Variants in CNTN1 observed in about 807,000 individuals in gnomAD.
The protein encoded by CNTN1 is contactin 1, also known as contactin-1.
CNTN1 carries 38 observed loss-of-function variants against 126.4 expected under a neutral mutation model. The ratio of observed to expected loss-of-function variants is 0.30; its 90% CI spans 0.23 to 0.39. The LOEUF is 0.39. Among genes scored for constraint, CNTN1 ranks in the 10% least tolerant of loss-of-function variants. The pLI, the probability that CNTN1 is intolerant of heterozygous loss-of-function variation, is 1.00. For synonymous variants in CNTN1, 413 were observed against 422.6 expected, an observed-to-expected ratio of 0.98 and a Z score of 0.28; for missense variants, 1,009 against 1,248.4, an observed-to-expected ratio of 0.81 and a Z score of 2.89.
intron 1 of CNTN1, among the ~76,000 whole-genome samples, chr12:40,877,589 A>G (rs1384273342): frequency 6.6e-6 from 1 of 152,190 alleles, no homozygotes. Flanking sequence ...ATTGTTGTTA[A>G]TGACACAAGT....
chr12:40,953,655 A>G (rs891298117), intron 14 of CNTN1, among the ~76,000 whole-genome samples: 8 of 152,190 alleles, frequency 5.3e-5, no homozygotes, highest in African/African-American at 1.9e-4. Context: ...AACTAGTTTA[A>G]CATTAAACTT....
chr12:40,713,005 T>C (rs1312271575), intron 1 of CNTN1, among the ~76,000 whole-genome samples: 1 of 152,084 alleles, frequency 6.6e-6, no homozygotes, highest in Non-Finnish European at 1.5e-5. Flanking sequence ...CTTAGCACTC[T>C]TGCTTGTATT....
rs1944072459 is a variant in CNTN1, at chr12:40,887,291, G to A, written c.-76-21066G>A. On this transcript the variant is annotated intron_variant, in intron 1 of 23. Transcript: ENST00000551295. ...CTTGAAGAGGTCCTTCATGTCCCTTGTAAGTTGGATTCCTAGAATTTACAA... is the reference window on the plus strand; with the variant it reads ...CTTGAAGAGGTCCTTCATGTCCCTTATAAGTTGGATTCCTAGAATTTACAA... 2.0e-5 allele frequency among the ~76,000 whole-genome samples: 3 copies of A among 151,924 alleles called. No individual in the cohort carries two copies. In the South Asian group the frequency reaches 6.2e-4, roughly 31 times the overall value.
At chr12:40,927,817 T>G (rs1175328709) in intron 6 of CNTN1, among the ~76,000 whole-genome samples, 1 of 152,122 alleles carries the variant, frequency 6.6e-6, no homozygotes, top group Non-Finnish European at 1.5e-5. Context: ...AGTCCAAGAC[T>G]TATGTTCATA....
chr12:41,015,909 A>C (rs1283842226), intron 18 of CNTN1, among the ~76,000 whole-genome samples: 2 of 152,110 alleles, frequency 1.3e-5, no homozygotes, highest in East Asian at 3.9e-4. Flanking sequence ...ATGATGAAAA[A>C]CCAAGCACTT....
intron 23 of CNTN1, among the ~76,000 whole-genome samples, chr12:41,038,081 C>T (rs142922131): frequency 2.2e-4 from 34 of 152,200 alleles, no homozygotes; most frequent in African/African-American, 7.9e-4. Context: ...TTGCTTGAAC[C>T]CAGGAGACTG....
At chr12:40,814,658 A>G (rs922365782) in intron 1 of CNTN1, among the ~76,000 whole-genome samples, 5 of 152,174 alleles carry the variant, frequency 3.3e-5, no homozygotes, top group Admixed American at 6.6e-5. Context: ...CTTTTGGCTT[A>G]GGAATGTCTT....
chr12:41,034,451 T>G (rs150862553), intron 23 of CNTN1, among the ~76,000 whole-genome samples: 1 of 152,318 alleles, frequency 6.6e-6, no homozygotes, highest in African/African-American at 2.4e-5. Context: ...CTGTCCTCCC[T>G]TCTCCATTTC....
intron 23 of CNTN1, among the ~76,000 whole-genome samples, chr12:41,056,581 G>A (rs1390289756): frequency 6.6e-6 from 1 of 152,042 alleles, no homozygotes; most frequent in Non-Finnish European, 1.5e-5. Context: ...GATAGGCACA[G>A]CTAAAATTTC....
At chr12:40,771,486 T>G (rs1279634515) in intron 1 of CNTN1, among the ~76,000 whole-genome samples, 1 of 151,994 alleles carries the variant, frequency 6.6e-6, no homozygotes, top group Non-Finnish European at 1.5e-5. Flanking sequence ...CTCTATATAT[T>G]TAAGAGGGAT....
intron 1 of CNTN1, among the ~76,000 whole-genome samples, chr12:40,732,097 A>G (rs1014950667): frequency 2.0e-5 from 3 of 152,050 alleles, no homozygotes; most frequent in African/African-American, 7.2e-5. Flanking sequence ...ATTGCAAATG[A>G]GAAAAGCTAG....
chr12:40,769,085 T>A (rs1206383795), intron 1 of CNTN1, among the ~76,000 whole-genome samples: 5 of 152,156 alleles, frequency 3.3e-5, no homozygotes, highest in Non-Finnish European at 7.4e-5. Flanking sequence ...TGCTTTCTAG[T>A]GGCAATTCAT....
At chr12:40,989,994 G>C (rs1948060854) in intron 16 of CNTN1, among the ~76,000 whole-genome samples, 1 of 152,060 alleles carries the variant, frequency 6.6e-6, no homozygotes, top group African/African-American at 2.4e-5. Flanking sequence ...GTGCCACCGA[G>C]ATTTGCAGAA....
rs71078294 is a variant in CNTN1 at position 41,007,045 on chromosome 12, G to GTTTTTTT, written c.2114-7157_2114-7151dup. On this transcript the variant is annotated intron_variant, in intron 17 of 23. Transcript: ENST00000551295. ...TGGCAGTTAAAAGCAGTTTTGTGTG[G>GTTTTTTT]TTTTTTTTTTTTTTTTTTTTTTTTT... Among the ~76,000 whole-genome samples the GTTTTTTT allele has an allele frequency of 1.4e-4, 10 of 69,246 alleles. 1 individual carries two copies. Among genetic ancestry groups the GTTTTTTT allele is most frequent in the East Asian group, 5.2e-4 (1 of 1,928 alleles). 45.4% of individuals were successfully genotyped at this position (69,246 alleles called of 152,430 possible).
intron 16 of CNTN1, among the ~76,000 whole-genome samples, chr12:40,986,524 A>G (rs1202503973): frequency 6.6e-6 from 1 of 151,882 alleles, no homozygotes; most frequent in Non-Finnish European, 1.5e-5. Flanking sequence ...ATTTCGGCAG[A>G]CTCTTCTACG....
At chr12:40,806,335 T>A (rs924111886) in intron 1 of CNTN1, among the ~76,000 whole-genome samples, 1 of 152,188 alleles carries the variant, frequency 6.6e-6, no homozygotes, top group African/African-American at 2.4e-5. Flanking sequence ...GAAGCCTAGA[T>A]CCAGTCCTCC....
chr12:40,814,222 T>C (rs1941183743), intron 1 of CNTN1, among the ~76,000 whole-genome samples: 1 of 152,256 alleles, frequency 6.6e-6, no homozygotes, highest in African/African-American at 2.4e-5. Context: ...TTGTCAATTT[T>C]GGCTTTTGTT....
At chr12:40,934,494 C>T (rs1946013312) in intron 9 of CNTN1, among the ~76,000 whole-genome samples, 1 of 147,042 alleles carries the variant, frequency 6.8e-6, no homozygotes, top group Admixed American at 6.8e-5. Context: ...TTAAAATAAA[C>T]TTACATTTGG....
chr12:40,871,729 G>A (rs1565864290), intron 1 of CNTN1, among the ~76,000 whole-genome samples: 1 of 152,096 alleles, frequency 6.6e-6, no homozygotes, highest in Non-Finnish European at 1.5e-5. Context: ...AAATGATCAT[G>A]TTCAATGGAG....
Sources: gnomAD v4.1 joint callset for allele counts (sites outside exome capture counted in the v4.1 genomes callset) on GRCh38, gnomAD v4.1.1 for gene constraint, MANE v1.5 for transcripts, NCBI Gene and HGNC (gene_info 2026-07-23, HGNC 2026-07-21) for gene names.